The following CCDC57 variants were observed in gnomAD, a reference collection of about 807,000 sequenced individuals.
The protein encoded by CCDC57 is coiled-coil domain containing 57.
A neutral mutation model predicts 118.9 loss-of-function variants in CCDC57; 118 were observed. The ratio of observed to expected loss-of-function variants is 0.99; its 90% CI spans 0.86 to 1.16. The LOEUF (loss-of-function observed/expected upper bound fraction) is 1.16, where lower values mean the gene tolerates loss of function less well. Among genes scored for constraint, CCDC57 ranks in the 50% most tolerant of loss-of-function variants. The pLI is 0.00. For missense variants in CCDC57, 1,300 were observed against 1,320.7 expected (o/e 0.98, Z 0.24); for synonymous variants, 527 against 532.9 (o/e 0.99, Z 0.15).
chr17:82,193,194 G>A (rs2047884570), intron 7 of CCDC57, among the ~76,000 whole-genome samples: 1 of 152,076 alleles, frequency 6.6e-6, no homozygotes. Flanking sequence ...CAAGTTCTAC[G>A]TTTTACAGCA....
chr17:82,205,513 T>C (rs2049516115), intron 2 of CCDC57, among the ~76,000 whole-genome samples: 2 of 152,234 alleles, frequency 1.3e-5, no homozygotes, highest in African/African-American at 4.8e-5. Context: ...TGGCTCCAGC[T>C]GCTCCCTGCA....
At chr17:82,150,367 TGGTGCACACCCAGAACCA>T (rs2041778725) in intron 16 of CCDC57, among the ~76,000 whole-genome samples, 1 of 49,140 alleles carries the variant, frequency 2.0e-5, no homozygotes, top group Non-Finnish European at 3.7e-5. Flanking sequence ...ACCCAGAACC[TGGTGCACACCCAGAACCA>T]GGCGCACACC....
chr17:82,180,571 G>A (rs1269156791), intron 9 of CCDC57, among the ~76,000 whole-genome samples: 2 of 152,192 alleles, frequency 1.3e-5, no homozygotes, highest in African/African-American at 4.8e-5. Flanking sequence ...CACCTCCTGG[G>A]CTCAAGTGGT....
At chr17:82,151,693 G>C (rs1467707748) in exon 16 of CCDC57, 3 of 1,550,262 alleles carry the variant, frequency 1.9e-6, no homozygotes, top group Non-Finnish European at 2.6e-6. Flanking sequence ...ATAAGGTCTG[G>C]GGGGCACGTG....
At chr17:82,210,458 G>A (rs568568199) in intron 1 of CCDC57, among the ~76,000 whole-genome samples, 2 of 151,690 alleles carry the variant, frequency 1.3e-5, no homozygotes, top group East Asian at 3.9e-4. Flanking sequence ...GATCACTTGG[G>A]GTCAGCAGTT....
At chr17:82,195,909 C>T (rs1415955045) in intron 4 of CCDC57, among the ~76,000 whole-genome samples, 4 of 152,228 alleles carry the variant, frequency 2.6e-5, no homozygotes, top group Non-Finnish European at 5.9e-5. Flanking sequence ...ACCAAAGCTG[C>T]CACGTTAAAA....
At chr17:82,142,794 T>A (rs527739207) in intron 16 of CCDC57, among the ~76,000 whole-genome samples, 1 of 152,292 alleles carries the variant, frequency 6.6e-6, no homozygotes, top group South Asian at 2.1e-4. Context: ...TAAAAAGTAG[T>A]ATTCCGCACA....
intron 13 of CCDC57, among the ~76,000 whole-genome samples, chr17:82,170,960 T>C (rs558458448): frequency 2.6e-5 from 4 of 152,372 alleles, no homozygotes; most frequent in Non-Finnish European, 5.9e-5. Flanking sequence ...GAATCTGGCA[T>C]TATCAAGTGA....
chr17:82,190,457 A>G (rs564087447), intron 7 of CCDC57, among the ~76,000 whole-genome samples: 148 of 152,288 alleles, frequency 9.7e-4, no homozygotes, highest in Middle Eastern at 3.4e-3. Context: ...GCACTTTGGG[A>G]GGCCGAGGTG....
chr17:82,103,519 G>A lies in CCDC57; in HGVS notation c.2900-1653C>T, dbSNP rs141425717. Among the ~76,000 whole-genome samples, 436 of 152,280 alleles carry A rather than the reference G, an allele frequency of 2.9e-3. 1 individual carries two copies. The highest frequency in any genetic ancestry group is 0.01 in the African/African-American group (418 of 41,554). ...TGGCTGGCAGAGGGTGGGGTATCCC[G>A]TGGAAAGGGCTTCCTGCGGGGAAGC... On this transcript the variant is annotated intron_variant, in intron 19 of 19. Coordinates refer to ENST00000665763, the Ensembl canonical transcript of CCDC57.
In CCDC57 at chr17:82,172,743, T is replaced by C; in HGVS notation, c.1624A>G (p.Met542Val). ...GGAATCTGATGGCTTAGAGCCTCCA[T>C]TTCTTTCCTCATCTGGGCAATCGCG... The change falls in exon 12 of 20, where the codon ATG (methionine) becomes GTG (valine). Residue 542 changes from methionine to valine, a missense_variant. Met to Val is a conservative substitution (Grantham distance 21). Coordinates refer to ENST00000665763, the Ensembl canonical transcript of CCDC57. The surrounding 1 kb of genome is among the most constrained non-coding windows in gnomAD (Gnocchi z 5.2). The C allele has an allele frequency of 1.9e-6, 3 of 1,607,812 alleles. No homozygotes were observed. The highest frequency in any genetic ancestry group is 2.7e-5 in the African/African-American group (2 of 75,000).
At chr17:82,121,960 T>A (rs1440786917) in intron 19 of CCDC57, among the ~76,000 whole-genome samples, 1 of 152,046 alleles carries the variant, frequency 6.6e-6, no homozygotes, top group Admixed American at 6.5e-5. Flanking sequence ...CCACCCACAC[T>A]CTCAGCCTCG....
At chr17:82,103,713 G>A (rs1486235368) in intron 19 of CCDC57, among the ~76,000 whole-genome samples, 1 of 152,208 alleles carries the variant, frequency 6.6e-6, no homozygotes. Context: ...AGCTGAGGGA[G>A]GGGGGTGAAG....
chr17:82,194,398 C>G (rs996077256), intron 5 of CCDC57: 2 of 342,408 alleles, frequency 5.8e-6, no homozygotes, highest in East Asian at 5.6e-5. Context: ...GCAACCTCCC[C>G]CTCCTGGGTT....
At position 82,197,915 on chromosome 17, in the gene CCDC57, CCCCTGGGCTGAATTACACCACCAGCTT is replaced by C. The variant is rs147251639; in HGVS notation, c.516+372_516+398del. 7.1e-3 allele frequency among the ~76,000 whole-genome samples: 1,086 copies of C among 152,318 alleles called. 10 individuals are homozygous for C. The highest frequency in any genetic ancestry group is 0.026 in the African/African-American group (1,060 of 41,550). ...TGGCTCCCTGGTGCTCAGGCCTTTG[CCCCTGGGCTGAATTACACCACCAGCTT>C]CCCAGGTTTTCCAGCTTGCAGATGA... is the stretch of plus-strand genomic sequence containing the variant. On this transcript the variant is annotated intron_variant, in intron 4 of 19. Transcript: ENST00000665763.
chr17:82,152,055 A>G (rs1471012639), intron 15 of CCDC57: 10 of 448,036 alleles, frequency 2.2e-5, no homozygotes, highest in African/African-American at 2.0e-4. Flanking sequence ...CCTCCCCGCC[A>G]TCCCTGCCTT....
intron 8 of CCDC57, among the ~76,000 whole-genome samples, chr17:82,184,395 A>G (rs2146529538): frequency 6.6e-6 from 1 of 152,348 alleles, no homozygotes; most frequent in Non-Finnish European, 1.5e-5. Flanking sequence ...TTCAAGTTGC[A>G]TGGTAAAATA....
chr17:82,207,417 T>A (rs566130559), intron 2 of CCDC57: 1 of 152,062 alleles, frequency 6.6e-6, no homozygotes, highest in African/African-American at 2.4e-5. Context: ...CTTCCCCAAA[T>A]TGTTCCTGGG....
intron 16 of CCDC57, among the ~76,000 whole-genome samples, chr17:82,142,948 T>A (rs1049507989): frequency 6.6e-6 from 1 of 152,050 alleles, no homozygotes; most frequent in African/African-American, 2.4e-5. Flanking sequence ...GTGGATCACC[T>A]GAGGTCAGGA....
Sources: allele counts gnomAD v4.1 joint callset (sites outside exome capture counted in the v4.1 genomes callset), GRCh38; gene constraint gnomAD v4.1.1; non-coding constraint Gnocchi (gnomAD v3.1); transcripts MANE v1.5; gene names NCBI Gene and HGNC (gene_info 2026-07-23, HGNC 2026-07-21).